DST: variants seen among roughly 807,000 people sequenced by gnomAD.
The protein encoded by DST is bullous pemphigoid antigen.
A neutral mutation model predicts 875.2 loss-of-function variants in DST; 253 were observed. The ratio of observed to expected loss-of-function variants is 0.29; its 90% CI spans 0.26 to 0.32. The LOEUF is 0.32. Among genes scored for constraint, DST ranks in the 10% least tolerant of loss-of-function variants. The pLI is 1.00. For synonymous variants in DST, 3,124 were observed against 3,197.1 expected (o/e 0.98, Z 0.77); for missense variants, 8,287 against 9,111.6 (o/e 0.91, Z 3.68).
chr6:56,681,235 G>A (rs1042508469), intron 9 of DST, among the ~76,000 whole-genome samples: 5 of 152,026 alleles, frequency 3.3e-5, no homozygotes, highest in African/African-American at 1.2e-4. Context: ...GAAGCTGCTG[G>A]AGTCATCCTT....
chr6:56,512,627 C>A (rs925529506), intron 72 of DST, among the ~76,000 whole-genome samples: 1 of 152,180 alleles, frequency 6.6e-6, no homozygotes, highest in African/African-American at 2.4e-5. Flanking sequence ...TCTTTTCCTG[C>A]AAACTCTAAT....
At chr6:56,597,123 C>T (rs1467375870) in intron 47 of DST, among the ~76,000 whole-genome samples, 1 of 151,918 alleles carries the variant, frequency 6.6e-6, no homozygotes, top group African/African-American at 2.4e-5. Context: ...ACCTGTAGTC[C>T]CAGCTACTCA....
intron 4 of DST, among the ~76,000 whole-genome samples, chr6:56,848,136 T>C (rs1295201246): frequency 4.6e-5 from 7 of 152,244 alleles, no homozygotes; most frequent in Non-Finnish European, 8.8e-5. Flanking sequence ...CTTTTAACTG[T>C]AAGTTTGTGT....
chr6:56,564,749 G>A (rs1223425914), intron 55 of DST, among the ~76,000 whole-genome samples: 4 of 152,144 alleles, frequency 2.6e-5, no homozygotes, highest in Admixed American at 6.6e-5. Context: ...ACATTCCATC[G>A]ATACCTAGTT....
At chr6:56,935,090 C>T (rs1328518544) in intron 2 of DST, among the ~76,000 whole-genome samples, 2 of 152,118 alleles carry the variant, frequency 1.3e-5, no homozygotes, top group African/African-American at 4.8e-5. Context: ...CATAGTTTCT[C>T]GGCGAACAGC....
intron 97 of DST, among the ~76,000 whole-genome samples, chr6:56,469,542 A>G (rs1017947194): frequency 7.9e-5 from 12 of 152,148 alleles, no homozygotes; most frequent in Non-Finnish European, 1.3e-4. Flanking sequence ...GGATTAGAGT[A>G]GCTTTCTTGT....
At position 56,899,123 on chromosome 6, in the gene DST, C is replaced by T. The variant is rs944982985; in HGVS notation, c.417+1298G>A. 2.0e-5 allele frequency among the ~76,000 whole-genome samples: 3 copies of T among 152,146 alleles called. No individual in the cohort carries two copies. The South Asian group carries it at 6.2e-4, about 32-fold the overall frequency. Reference sequence around the variant, plus strand: ...CATAAAATGGGAATCATAACATCTACCTCATAGAATTGTTAAATAAGTGAC... The same window carrying T: ...CATAAAATGGGAATCATAACATCTATCTCATAGAATTGTTAAATAAGTGAC... On this transcript the variant is annotated intron_variant, in intron 3 of 103. Coordinates refer to ENST00000680361, the MANE Select transcript of DST (RefSeq NM_001374736.1).
At chr6:56,860,372 C>CA (rs1483670459) in intron 3 of DST, among the ~76,000 whole-genome samples, 8 of 152,032 alleles carry the variant, frequency 5.3e-5, no homozygotes, top group Non-Finnish European at 1.0e-4. Context: ...GGGGATAAAA[C>CA]AAAACAGAAA....
chr6:56,787,149 G>A (rs1178411179), intron 4 of DST, among the ~76,000 whole-genome samples: 1 of 152,196 alleles, frequency 6.6e-6, no homozygotes, highest in Non-Finnish European at 1.5e-5. Context: ...CAAACTATCA[G>A]AGGATGAGAG....
intron 36 of DST, among the ~76,000 whole-genome samples, chr6:56,622,605 T>C (rs896292952): frequency 6.6e-6 from 1 of 150,698 alleles, no homozygotes; most frequent in Non-Finnish European, 1.5e-5. Context: ...AATCATGTTG[T>C]CTCTTGACTT....
Position 56,678,516 on chromosome 6 carries a change from C to A in DST, c.1048-7709G>T, listed in dbSNP as rs572186645. Among the ~76,000 whole-genome samples the A allele has an allele frequency of 3.3e-3, 498 of 152,196 alleles. 1 individual carries two copies. The highest frequency in any genetic ancestry group is 0.011 in the African/African-American group (470 of 41,524). On this transcript the variant is annotated intron_variant, in intron 9 of 103. Transcript: ENST00000680361. ...ATCCCTGTAACAAAAGATAGATTAA[C>A]TAGAGAAAAACGAAGAGTAGTTTAT...
rs754352080 is a variant in DST, at chr6:56,529,999, A to G, written c.17243T>C (p.Leu5748Pro). The change falls in exon 65 of 104, where the codon CTT (leucine) becomes CCT (proline). Residue 5748 changes from leucine (L) to proline (P), a missense_variant. This residue lies in a region of DST where 777 missense variants were observed against 764.8 expected (regional missense o/e 1.02). Coordinates refer to ENST00000680361, the MANE Select transcript of DST (RefSeq NM_001374736.1). ...TTTGTGCTGTGCAATTTGTTCCTCA[A>G]GTTTAGATGCTTGGGTTCCTATGGG... ...CEPIGTQASK[L>P]EEQIAQHKAL... 4 of 1,613,532 alleles carry G rather than the reference A, an allele frequency of 2.5e-6. No homozygotes were observed. The highest frequency in any genetic ancestry group is 1.1e-5 in the South Asian group (1 of 91,050).
rs747354425 is a variant in DST, at chr6:56,617,402, T to G, written c.4930-2918A>C. 4 of 1,613,096 alleles carry G rather than the reference T, an allele frequency of 2.5e-6. No individual in the cohort carries two copies. The highest frequency in any genetic ancestry group is 2.5e-6 in the Non-Finnish European group (3 of 1,179,480). ...TGTGACTTCTGTATGCATATCATAC[T>G]GCTTGTTCTTAGCTATCTGTAACAG... On this transcript the variant is annotated intron_variant, in intron 36 of 103. Coordinates refer to ENST00000680361, the MANE Select transcript of DST (RefSeq NM_001374736.1).
At chr6:56,656,815 A>C (rs993568403) in intron 10 of DST, among the ~76,000 whole-genome samples, 1 of 152,230 alleles carries the variant, frequency 6.6e-6, no homozygotes, top group African/African-American at 2.4e-5. Context: ...CAAAATGATA[A>C]TGATATTGGT....
intron 36 of DST, chr6:56,618,468 GCT>G: frequency 6.2e-7 from 1 of 1,614,152 alleles, no homozygotes; most frequent in Non-Finnish European, 8.5e-7. Flanking sequence ...TGATGTTCAT[GCT>G]CTTTGATCTG....
chr6:56,908,896 G>A (rs1223376400), intron 2 of DST, among the ~76,000 whole-genome samples: 4 of 152,144 alleles, frequency 2.6e-5, no homozygotes, highest in Non-Finnish European at 5.9e-5. Context: ...TCTAAAAGGG[G>A]GATGCATGAA....
Position 56,607,498 on chromosome 6 carries a change from G to A in DST, c.7130C>T (p.Thr2377Ile), listed in dbSNP as rs750074445. 4 of 1,597,512 alleles carry A rather than the reference G, an allele frequency of 2.5e-6. No individual in the cohort carries two copies. The East Asian group carries it at 6.8e-5, about 27-fold the overall frequency. ...ACTACATTCATTTGCACGTTCATTT[G>A]TTTCCACTCGGCTTTGATTTTCATA... is the stretch of plus-strand genomic sequence containing the variant. ...TNYENQSRVE[T>I]NERANECSHS... Residue 2377 changes from threonine (T) to isoleucine (I), a missense_variant, in exon 40 of 104, where the codon ACA becomes ATA. Physicochemically the swap from Thr to Ile is moderately conservative, Grantham distance 89 (BLOSUM62 -1). This residue lies in a region of DST where 3,138 missense variants were observed against 3,116.6 expected (regional missense o/e 1.01). Transcript: ENST00000680361.
intron 36 of DST, chr6:56,617,023 T>G: frequency 6.2e-7 from 1 of 1,612,976 alleles, no homozygotes; most frequent in Non-Finnish European, 8.5e-7. Context: ...AAATCTTTTC[T>G]TTTGTAGATT....
intron 2 of DST, among the ~76,000 whole-genome samples, chr6:56,921,477 C>A (rs574653113): frequency 3.4e-4 from 52 of 152,254 alleles, no homozygotes; most frequent in Admixed American, 3.4e-3. Context: ...TTAGTAAGAG[C>A]AGTTATCAAT....
Sources: gnomAD v4.1 joint callset for allele counts (sites outside exome capture counted in the v4.1 genomes callset) on GRCh38, gnomAD v4.1.1 for gene constraint, gnomAD v4.1.1 regional missense constraint, MANE v1.5 for transcripts, NCBI Gene and HGNC (gene_info 2026-07-23, HGNC 2026-07-21) for gene names.